CNTNAP5: variants seen among roughly 807,000 people sequenced by gnomAD.
CNTNAP5 encodes contactin associated protein family member 5.
CNTNAP5 carries 72 observed loss-of-function variants against 150.2 expected under a neutral mutation model. The ratio of observed to expected loss-of-function variants is 0.48; its 90% CI spans 0.40 to 0.58. The LOEUF (loss-of-function observed/expected upper bound fraction) is 0.58, where lower values mean the gene tolerates loss of function less well. CNTNAP5 is among the 20% of genes least tolerant of loss of function. The pLI is 0.00. For synonymous variants in CNTNAP5, 672 were observed against 619.8 expected (o/e 1.08, Z -1.25); for missense variants, 1,636 against 1,626.2 (o/e 1.01, Z -0.10).
At chr2:124,143,798 C>G (rs1294842175) in intron 1 of CNTNAP5, among the ~76,000 whole-genome samples, 3 of 120,770 alleles carry the variant, frequency 2.5e-5, no homozygotes, top group Non-Finnish European at 5.1e-5. Flanking sequence ...CCAGGGCAAT[C>G]AGGCAGGAGA....
rs143247816 is a variant in CNTNAP5 at position 124,066,384 on chromosome 2, C to T, written c.82+40652C>T. Among the ~76,000 whole-genome samples the T allele has an allele frequency of 1.1e-3, 171 of 152,196 alleles. 1 individual carries two copies. Among genetic ancestry groups the T allele is most frequent in the African/African-American group, 3.5e-3 (147 of 41,518 alleles). On this transcript the variant is annotated intron_variant, in intron 1 of 23. Coordinates refer to ENST00000682447, the MANE Select transcript of CNTNAP5 (RefSeq NM_001367498.1). ...TTGTACATTTGGAGATTAGGATATA[C>T]GTAGTTAATCTAGTGATGAGTTTTT...
chr2:124,510,293 C>CTATA lies in CNTNAP5; in HGVS notation c.1327+5741_1327+5744dup, dbSNP rs1176912394. Reference sequence around the variant, plus strand: ...TATATCTATATCTATATCTATATATCTATATATCTATATATATATCTATAT... The same window carrying CTATA: ...TATATCTATATCTATATCTATATATCTATATATATATCTATATATATATCTATAT... On this transcript the variant is annotated intron_variant, in intron 8 of 23. Transcript: ENST00000682447. Among the ~76,000 whole-genome samples, 21 of 22,096 alleles carry CTATA rather than the reference C, an allele frequency of 9.5e-4. 2 individuals are homozygous for CTATA. The highest frequency in any genetic ancestry group is 4.5e-3 in the South Asian group (2 of 446). The allele number at this position is 22,096 out of a possible 152,430, so 14.5% of individuals were successfully genotyped here.
intron 12 of CNTNAP5, among the ~76,000 whole-genome samples, chr2:124,613,778 A>G (rs1677436180): frequency 6.6e-6 from 1 of 152,202 alleles, no homozygotes; most frequent in Non-Finnish European, 1.5e-5. Context: ...CCAAATGCTC[A>G]ACCAGCAACC....
Position 124,784,068 on chromosome 2 carries a change from C to T in CNTNAP5, c.2753-5834C>T, listed in dbSNP as rs572646930. ...GCCACTTTAGTCAAAAAGTCTGCCA[C>T]TTTTTGAAATCTAGGTGGTAAATGC... On this transcript the variant is annotated intron_variant, in intron 17 of 23. Coordinates refer to ENST00000682447, the MANE Select transcript of CNTNAP5 (RefSeq NM_001367498.1). Among the ~76,000 whole-genome samples the T allele has an allele frequency of 1.2e-4, 19 of 152,196 alleles. No homozygotes were observed. In the East Asian group the frequency reaches 2.5e-3, roughly 20 times the overall value.
At position 124,716,545 on chromosome 2, in the gene CNTNAP5, G is replaced by A. The variant is rs191947970; in HGVS notation, c.2078-30684G>A. On this transcript the variant is annotated intron_variant, in intron 13 of 23. Transcript: ENST00000682447. ...ATATCTTTAATAGAATATTATCAAT[G>A]TTTATTGTTTTTAAACATTTTGCAT... Among the ~76,000 whole-genome samples, 95 of 151,808 alleles carry A rather than the reference G, an allele frequency of 6.3e-4. No homozygotes were observed. In the Middle Eastern group the frequency reaches 0.01, roughly 16 times the overall value.
At position 124,066,540 on chromosome 2, in the gene CNTNAP5, G is replaced by A. The variant is rs543508770; in HGVS notation, c.82+40808G>A. ...CCTGCAGGAGAAGATATCTATTATT[G>A]TGCTTGGGACCTTCGATGTGAAGAC... is the stretch of plus-strand genomic sequence containing the variant. On this transcript the variant is annotated intron_variant, in intron 1 of 23. Coordinates refer to ENST00000682447, the MANE Select transcript of CNTNAP5 (RefSeq NM_001367498.1). Among the ~76,000 whole-genome samples, 309 of 152,124 alleles carry A rather than the reference G, an allele frequency of 2.0e-3. 2 individuals carry two copies. Among genetic ancestry groups the A allele is most frequent in the African/African-American group, 7.3e-3 (301 of 41,508 alleles).
intron 10 of CNTNAP5, among the ~76,000 whole-genome samples, chr2:124,538,554 A>G (rs1573445151): frequency 6.6e-6 from 1 of 151,058 alleles, no homozygotes; most frequent in African/African-American, 2.4e-5. Flanking sequence ...GAAAGAGAGA[A>G]AGAAAGAAAA....
intron 21 of CNTNAP5, among the ~76,000 whole-genome samples, chr2:124,897,004 C>CATCTTCTA (rs1678320164): frequency 6.6e-6 from 1 of 151,546 alleles, no homozygotes; most frequent in African/African-American, 2.4e-5. Flanking sequence ...AAACATGTAA[C>CATCTTCTA]CATCTTCTAT....
intron 19 of CNTNAP5, among the ~76,000 whole-genome samples, chr2:124,803,945 GAATCCT>G (rs1682027864): frequency 8.5e-5 from 13 of 152,132 alleles, no homozygotes; most frequent in African/African-American, 2.7e-4. Context: ...AGAGCAGCAA[GAATCCT>G]GATAAACAGA....
At chr2:124,253,386 C>G (rs1041863703) in intron 3 of CNTNAP5, among the ~76,000 whole-genome samples, 3 of 152,046 alleles carry the variant, frequency 2.0e-5, no homozygotes, top group Non-Finnish European at 2.9e-5. Context: ...CTTGTTTCAT[C>G]TTGATTTCTT....
chr2:124,610,447 C>G (rs1677355124), intron 12 of CNTNAP5, among the ~76,000 whole-genome samples: 1 of 152,128 alleles, frequency 6.6e-6, no homozygotes, highest in African/African-American at 2.4e-5. Flanking sequence ...GCTAGCCAGG[C>G]TGGTTGTTCT....
chr2:124,568,810 C>T (rs1310676115), intron 11 of CNTNAP5, among the ~76,000 whole-genome samples: 1 of 152,158 alleles, frequency 6.6e-6, no homozygotes, highest in Non-Finnish European at 1.5e-5. Context: ...CTTTGGGAGG[C>T]CGAGGCGGGC....
intron 1 of CNTNAP5, among the ~76,000 whole-genome samples, chr2:124,088,237 G>T (rs1682739316): frequency 6.6e-6 from 1 of 152,066 alleles, no homozygotes. Flanking sequence ...CCTGTCCTCT[G>T]AGGATTTTAT....
At chr2:124,669,391 C>T (rs1678763347) in intron 13 of CNTNAP5, among the ~76,000 whole-genome samples, 1 of 152,212 alleles carries the variant, frequency 6.6e-6, no homozygotes, top group African/African-American at 2.4e-5. Flanking sequence ...TACTTAACTT[C>T]TAGAATGTGA....
At chr2:124,316,804 CAAAAAAAAAA>C (rs56812690) in intron 3 of CNTNAP5, among the ~76,000 whole-genome samples, 1 of 54,770 alleles carries the variant, frequency 1.8e-5, no homozygotes, top group South Asian at 9.0e-4. Flanking sequence ...GACTCCATCT[CAAAAAAAAAA>C]AAAAAAAAAA....
intron 21 of CNTNAP5, among the ~76,000 whole-genome samples, chr2:124,896,595 GT>G (rs1678310088): frequency 6.6e-6 from 1 of 151,282 alleles, no homozygotes; most frequent in Non-Finnish European, 1.5e-5. Context: ...CTGGAGTGCA[GT>G]GGCCCAATCT....
At chr2:124,802,444 G>T (rs1436891560) in intron 19 of CNTNAP5, among the ~76,000 whole-genome samples, 1 of 152,150 alleles carries the variant, frequency 6.6e-6, no homozygotes, top group African/African-American at 2.4e-5. Context: ...TAAACAAAAA[G>T]AAATTAGTTT....
rs538796535 is a variant in CNTNAP5 at position 124,791,693 on chromosome 2, CTTTTTTTTTT to C, written c.2992+1562_2992+1571del. Among the ~76,000 whole-genome samples the C allele has an allele frequency of 6.9e-5, 8 of 115,390 alleles. No individual in the cohort carries two copies. In the East Asian group the frequency reaches 2.1e-3, roughly 31 times the overall value. The allele number at this position is 115,390 out of a possible 152,430, so 75.7% of individuals were successfully genotyped here. A position where few individuals can be genotyped will look rare whatever the true frequency, so the allele number is the denominator to read the frequency against. On this transcript the variant is annotated intron_variant, in intron 18 of 23. Coordinates refer to ENST00000682447, the MANE Select transcript of CNTNAP5 (RefSeq NM_001367498.1). Reference sequence around the variant, plus strand: ...TATTGTTCTAAATGTAGCCTAATTTCTTTTTTTTTTTTTTTTTTTGGCTCCTTTCTCCAAA... The same window carrying C: ...TATTGTTCTAAATGTAGCCTAATTTCTTTTTTTTTGGCTCCTTTCTCCAAA...
intron 1 of CNTNAP5, among the ~76,000 whole-genome samples, chr2:124,202,895 AG>A (rs1685765161): frequency 6.6e-6 from 1 of 152,162 alleles, no homozygotes; most frequent in Non-Finnish European, 1.5e-5. Context: ...GTGAGGACAC[AG>A]CCAGACCACA....
Sources: allele counts gnomAD v4.1 joint callset (sites outside exome capture counted in the v4.1 genomes callset), GRCh38; gene constraint gnomAD v4.1.1; transcripts MANE v1.5; gene names NCBI Gene and HGNC (gene_info 2026-07-23, HGNC 2026-07-21).